Variants in SLC25A13 observed in about 807,000 individuals in gnomAD.
SLC25A13 encodes the protein electrogenic aspartate/glutamate antiporter SLC25A13, mitochondrial.
A neutral mutation model predicts 85.5 loss-of-function variants in SLC25A13; 70 were observed. The ratio of observed to expected loss-of-function variants is 0.82; its 90% confidence interval spans 0.68 to 1.00. The LOEUF (loss-of-function observed/expected upper bound fraction) is 1.00, where lower values mean the gene tolerates loss of function less well. Among genes scored for constraint, SLC25A13 ranks in the 50% least tolerant of loss-of-function variants. SLC25A13 has a pLI of 0.00. For missense variants in SLC25A13, 765 were observed against 819.8 expected (o/e 0.93, Z 0.82); for synonymous variants, 259 against 288.7 (o/e 0.90, Z 1.04).
At chr7:96,296,621 C>T (rs1014903934) in intron 2 of SLC25A13, among the ~76,000 whole-genome samples, 1 of 152,038 alleles carries the variant, frequency 6.6e-6, no homozygotes, top group Non-Finnish European at 1.5e-5. Context: ...GCCAGGATTA[C>T]AGGCACGTGC....
chr7:96,139,932 T>G (rs1792449498), intron 14 of SLC25A13, among the ~76,000 whole-genome samples: 1 of 150,122 alleles, frequency 6.7e-6, no homozygotes, highest in Non-Finnish European at 1.5e-5. Context: ...CCTTCAGATA[T>G]CTGATTTCCA....
At chr7:96,266,592 C>A (rs537460857) in intron 3 of SLC25A13, among the ~76,000 whole-genome samples, 12 of 152,210 alleles carry the variant, frequency 7.9e-5, no homozygotes, top group Admixed American at 3.9e-4. Context: ...AGCAATCAAC[C>A]CTTTCTGAAA....
chr7:96,300,743 G>A (rs1421666134), intron 1 of SLC25A13, among the ~76,000 whole-genome samples: 1 of 152,088 alleles, frequency 6.6e-6, no homozygotes, highest in Non-Finnish European at 1.5e-5. Flanking sequence ...TTTCTCTGAG[G>A]CCCACTAAAA....
intron 14 of SLC25A13, among the ~76,000 whole-genome samples, chr7:96,135,858 G>GT (rs57884645): frequency 0.4 from 53,209 of 132,894 alleles, 10,348 homozygotes; most frequent in South Asian, 0.52. Flanking sequence ...TCCTGCTTTG[G>GT]TTTTTTTTTT....
chr7:96,132,874 T>C (rs563750243), intron 14 of SLC25A13, among the ~76,000 whole-genome samples: 1 of 152,332 alleles, frequency 6.6e-6, no homozygotes, highest in Admixed American at 6.5e-5. Flanking sequence ...GGTATTTCTG[T>C]CTGATGCTCC....
intron 3 of SLC25A13, among the ~76,000 whole-genome samples, chr7:96,258,086 T>C (rs1797709012): frequency 6.6e-6 from 1 of 152,144 alleles, no homozygotes; most frequent in Admixed American, 6.5e-5. Context: ...ATAAGAGCTA[T>C]TTACGACAAA....
chr7:96,273,556 T>C (rs1395949727), intron 3 of SLC25A13, among the ~76,000 whole-genome samples: 1 of 152,196 alleles, frequency 6.6e-6, no homozygotes, highest in Non-Finnish European at 1.5e-5. Context: ...ATGTGTACAA[T>C]TTACACTTAA....
chr7:96,136,092 A>T (rs1327135379), intron 14 of SLC25A13, among the ~76,000 whole-genome samples: 1 of 152,184 alleles, frequency 6.6e-6, no homozygotes, highest in Admixed American at 6.5e-5. Context: ...GGGTAGACCT[A>T]CGTTATAAAC....
At chr7:96,212,260 G>A (rs150051784) in intron 4 of SLC25A13, among the ~76,000 whole-genome samples, 29 of 152,252 alleles carry the variant, frequency 1.9e-4, no homozygotes, top group African/African-American at 6.7e-4. Flanking sequence ...CAATATACTG[G>A]CTATTGTAGG....
intron 17 of SLC25A13, 121 bp from the exon 18 acceptor site, chr7:96,121,498 G>A: frequency 1.4e-6 from 2 of 1,381,798 alleles, no homozygotes; most frequent in Non-Finnish European, 2.1e-6. Context: ...CTCATCAGTT[G>A]TATGTTCCCC....
intron 5 of SLC25A13, among the ~76,000 whole-genome samples, chr7:96,196,839 G>C (rs1014499675): frequency 6.6e-6 from 1 of 152,172 alleles, no homozygotes; most frequent in Admixed American, 6.5e-5. Context: ...TGTTTATGTC[G>C]TGACTGTTTC....
intron 4 of SLC25A13, among the ~76,000 whole-genome samples, chr7:96,210,334 A>T (rs1379871721): frequency 1.3e-5 from 2 of 152,224 alleles, no homozygotes; most frequent in Admixed American, 1.3e-4. Context: ...GAAAAAAGAG[A>T]TAAGATATAA....
intron 3 of SLC25A13, 25 bp from the exon 4 acceptor site, chr7:96,234,942 C>T: frequency 6.4e-7 from 1 of 1,569,404 alleles, no homozygotes; most frequent in South Asian, 1.1e-5. Flanking sequence ...AAACATAAAG[C>T]AAAAGTCAGT....
At chr7:96,194,702 G>C (rs928875189) in intron 5 of SLC25A13, among the ~76,000 whole-genome samples, 2 of 152,124 alleles carry the variant, frequency 1.3e-5, no homozygotes, top group Non-Finnish European at 1.5e-5. Context: ...CAGAAAGGCA[G>C]GGAGATGAAA....
At chr7:96,134,948 G>C (rs2116440662) in intron 14 of SLC25A13, among the ~76,000 whole-genome samples, 1 of 152,042 alleles carries the variant, frequency 6.6e-6, no homozygotes, top group East Asian at 1.9e-4. Context: ...TATGCAAGAA[G>C]TCTTTGGTGT....
At chr7:96,299,802 G>A (rs1799487017) in intron 1 of SLC25A13, among the ~76,000 whole-genome samples, 1 of 152,090 alleles carries the variant, frequency 6.6e-6, no homozygotes, top group Non-Finnish European at 1.5e-5. Flanking sequence ...ACATACCTAG[G>A]CAAATGAGAT....
chr7:96,146,507 G>A (rs1792796315), intron 14 of SLC25A13, 49 bp downstream of exon 14: 2 of 1,592,114 alleles, frequency 1.3e-6, no homozygotes, highest in African/African-American at 2.7e-5. Context: ...TTCTGCATTA[G>A]GAGATGAGAA....
chr7:96,244,169 A>G (rs1237731801), intron 3 of SLC25A13, among the ~76,000 whole-genome samples: 2 of 152,138 alleles, frequency 1.3e-5, no homozygotes, highest in Non-Finnish European at 2.9e-5. Flanking sequence ...CACAGCAAGC[A>G]GTTTTTAAAG....
At chr7:96,256,639 T>C (rs1797647924) in intron 3 of SLC25A13, among the ~76,000 whole-genome samples, 1 of 152,178 alleles carries the variant, frequency 6.6e-6, no homozygotes, top group Non-Finnish European at 1.5e-5. Context: ...AACACCCCAC[T>C]GTCCATATTA....
Sources: allele counts gnomAD v4.1 joint callset (sites outside exome capture counted in the v4.1 genomes callset), GRCh38; gene constraint gnomAD v4.1.1; transcripts MANE v1.5; gene names NCBI Gene and HGNC (gene_info 2026-07-23, HGNC 2026-07-21).